Variants in ERG observed in about 807,000 individuals in gnomAD.
The protein encoded by ERG is ETS transcription factor ERG.
ERG carries 9 observed loss-of-function variants against 55.3 expected under a neutral mutation model. That is an observed-to-expected ratio of 0.16 (90% CI 0.10 to 0.28). The LOEUF is 0.28. ERG is among the 10% of genes least tolerant of loss of function. The pLI is 1.00. For synonymous variants in ERG, 223 were observed against 237.3 expected (o/e 0.94, Z 0.55); for missense variants, 434 against 631.6 (o/e 0.69, Z 3.35).
intron 2 of ERG, among the ~76,000 whole-genome samples, chr21:38,437,044 T>C (rs747142670): frequency 6.7e-4 from 102 of 151,998 alleles, no homozygotes; most frequent in Non-Finnish European, 9.6e-4. Context: ...CCTGCCACCA[T>C]GCCCAGCTAA....
intron 1 of ERG, among the ~76,000 whole-genome samples, chr21:38,495,003 C>T (rs1341901562): frequency 2.6e-5 from 4 of 152,274 alleles, no homozygotes; most frequent in Non-Finnish European, 2.9e-5. Context: ...AGCAGGGCAG[C>T]GGCATTTTGC....
intron 1 of ERG, among the ~76,000 whole-genome samples, chr21:38,466,164 C>T (rs1225952789): frequency 6.6e-6 from 1 of 152,068 alleles, no homozygotes; most frequent in Non-Finnish European, 1.5e-5. Context: ...TAATAGGCTG[C>T]AAATAGTTAT....
intron 1 of ERG, among the ~76,000 whole-genome samples, chr21:38,483,814 C>T: frequency 6.6e-6 from 1 of 152,076 alleles, no homozygotes; most frequent in East Asian, 1.9e-4. Context: ...TTGCAGTGAG[C>T]CAAGATTGCA....
intron 7 of ERG, 130 bp from the exon 8 acceptor site, chr21:38,391,845 C>A: frequency 1.5e-6 from 1 of 655,486 alleles, no homozygotes; most frequent in Non-Finnish European, 2.5e-6. Context: ...AAGCATCTCA[C>A]GGTAAGGAAA....
At chr21:38,374,771 A>C in the ERG span, among the ~76,000 whole-genome samples, 1 of 152,142 alleles carries the variant, frequency 6.6e-6, no homozygotes, top group Non-Finnish European at 1.5e-5. Context: ...CCCACTCCTC[A>C]GTATTTTTTG....
At chr21:38,570,327 G>A (rs1385891250) in intron 2 of ERG, among the ~76,000 whole-genome samples, 2 of 152,198 alleles carry the variant, frequency 1.3e-5, no homozygotes, top group Non-Finnish European at 2.9e-5. Context: ...ATATGGTTAG[G>A]TATGTATGTA....
chr21:38,493,724 C>A (rs1004428406), intron 1 of ERG, among the ~76,000 whole-genome samples: 12 of 152,156 alleles, frequency 7.9e-5, no homozygotes, highest in African/African-American at 2.7e-4. Flanking sequence ...CCTCGGGCGA[C>A]CCCTGGACGC....
At position 38,474,348 on chromosome 21, in the gene ERG, G is replaced by GTGACA. The variant is rs146881496; in HGVS notation, c.18+24014_18+24015insTGTCA. On this transcript the variant is annotated intron_variant, in intron 1 of 9. Transcript: ENST00000288319. ...TGCGTGCAGCCCCTCCAGGTGACAG[G>GTGACA]CGACACCGCCTCTGCATGTTGAGTG... Among the ~76,000 whole-genome samples the GTGACA allele has an allele frequency of 2.6e-5, 4 of 152,122 alleles. No individual in the cohort carries two copies. The East Asian group carries it at 7.8e-4, about 30-fold the overall frequency.
chr21:38,652,064 T>C (rs190449654), intron 1 of ERG, among the ~76,000 whole-genome samples: 47 of 152,326 alleles, frequency 3.1e-4, no homozygotes, highest in African/African-American at 8.4e-4. Context: ...AAGACTGCTT[T>C]CTTCCCTACC....
intron 1 of ERG, among the ~76,000 whole-genome samples, chr21:38,611,884 G>A (rs1172648438): frequency 6.6e-6 from 1 of 152,134 alleles, no homozygotes. Context: ...GGAGGTGAAG[G>A]CAGATCTTTG....
At chr21:38,462,716 C>T (rs919252431) in intron 1 of ERG, among the ~76,000 whole-genome samples, 1 of 152,176 alleles carries the variant, frequency 6.6e-6, no homozygotes, top group African/African-American at 2.4e-5. Flanking sequence ...CGGGGGTTGG[C>T]ATTTTTGTGC....
intron 2 of ERG, among the ~76,000 whole-genome samples, chr21:38,434,051 A>T (rs1382447192): frequency 6.6e-6 from 1 of 152,042 alleles, no homozygotes; most frequent in Non-Finnish European, 1.5e-5. Context: ...ACAGAAATGC[A>T]AGCTGCCCAT....
At chr21:38,498,567 A>AT, upstream of ERG, 16 of 1,244,694 alleles carry the variant, frequency 1.3e-5, no homozygotes, top group Non-Finnish European at 1.5e-5. This position sits in a 1 kb window ranked among gnomAD's most constrained non-coding sequence, Gnocchi z 4.6. Flanking sequence ...GAAACAGGAT[A>AT]TTTGGGAGTG....
chr21:38,451,584 G>C (rs1242156362), intron 1 of ERG, among the ~76,000 whole-genome samples: 3 of 152,218 alleles, frequency 2.0e-5, no homozygotes, highest in African/African-American at 7.2e-5. Flanking sequence ...CTATTAGGCT[G>C]TCGCAGGCTC....
intron 1 of ERG, among the ~76,000 whole-genome samples, chr21:38,609,226 AC>A (rs1438274476): frequency 1.3e-5 from 2 of 152,208 alleles, no homozygotes; most frequent in Admixed American, 6.5e-5. Flanking sequence ...TGCTGAATGC[AC>A]CACTTATACA....
At chr21:38,535,909 C>G (rs1449207970) in intron 2 of ERG, among the ~76,000 whole-genome samples, 1 of 152,114 alleles carries the variant, frequency 6.6e-6, no homozygotes, top group Non-Finnish European at 1.5e-5. Context: ...ATATTTTCAA[C>G]CAATAAGAAA....
chr21:38,450,849 T>C (rs1338870300), intron 1 of ERG: 2 of 447,988 alleles, frequency 4.5e-6, no homozygotes, highest in Non-Finnish European at 8.9e-6. Flanking sequence ...ACATCTTACA[T>C]TTTATGAAAA....
intron 1 of ERG, among the ~76,000 whole-genome samples, chr21:38,451,587 G>A (rs973264381): frequency 6.6e-6 from 1 of 152,180 alleles, no homozygotes; most frequent in African/African-American, 2.4e-5. Context: ...TTAGGCTGTC[G>A]CAGGCTCTAT....
chr21:38,606,249 ATAGG>A (rs779655655), intron 1 of ERG, among the ~76,000 whole-genome samples: 15 of 152,252 alleles, frequency 9.9e-5, no homozygotes, highest in East Asian at 7.7e-4. Flanking sequence ...TTGATAGAAG[ATAGG>A]TAGGTAGATA....
Sources: gnomAD v4.1 joint callset for allele counts (sites outside exome capture counted in the v4.1 genomes callset) on GRCh38, gnomAD v4.1.1 for gene constraint, Gnocchi (gnomAD v3.1) non-coding constraint, MANE v1.5 for transcripts, NCBI Gene and HGNC (gene_info 2026-07-23, HGNC 2026-07-21) for gene names.